The following FOCAD variants were observed in gnomAD, a reference collection of about 807,000 sequenced individuals.
FOCAD encodes the protein focadhesin.
Under a neutral mutation model 225.6 loss-of-function variants are expected in FOCAD, and 198 were observed. That is an observed-to-expected ratio of 0.88 (90% CI 0.78 to 0.99). The LOEUF is 0.99. FOCAD is among the 50% of genes least tolerant of loss of function. The pLI is 0.00. For missense variants in FOCAD, 2,713 were observed against 2,123.6 expected, an observed-to-expected ratio of 1.28 and a Z score of -5.46; for synonymous variants, 897 against 755.0, an observed-to-expected ratio of 1.19 and a Z score of -3.08.
chr9:20,795,720 C>G (rs911975105), intron 11 of FOCAD, among the ~76,000 whole-genome samples: 1 of 125,702 alleles, frequency 8.0e-6, no homozygotes, highest in Non-Finnish European at 1.6e-5. Flanking sequence ...GGAGGCAGAG[C>G]TTACAGTGAG....
At chr9:20,915,153 G>A (rs1225834728) in intron 23 of FOCAD, among the ~76,000 whole-genome samples, 28 of 152,148 alleles carry the variant, frequency 1.8e-4, no homozygotes, top group Admixed American at 1.8e-3. Flanking sequence ...ATAGCAAGCA[G>A]GTTGTTGACT....
chr9:20,753,675 A>C (rs1587023286), intron 5 of FOCAD, among the ~76,000 whole-genome samples: 1 of 152,166 alleles, frequency 6.6e-6, no homozygotes, highest in African/African-American at 2.4e-5. Context: ...CTGGCCTCAT[A>C]AAATGAGTTA....
chr9:20,791,523 A>C (rs891621122), intron 11 of FOCAD, among the ~76,000 whole-genome samples: 4 of 152,130 alleles, frequency 2.6e-5, no homozygotes, highest in Non-Finnish European at 5.9e-5. Flanking sequence ...TCTAGTTTTT[A>C]TTACCTCTAG....
chr9:20,886,748 C>A (rs1053257168), intron 21 of FOCAD, among the ~76,000 whole-genome samples: 1 of 152,208 alleles, frequency 6.6e-6, no homozygotes, highest in Non-Finnish European at 1.5e-5. Context: ...ATTCCATATT[C>A]TGCTCAGTAT....
chr9:20,819,767 A>G (rs1824118281), intron 11 of FOCAD, 29 bp from the exon 12 acceptor site: 1 of 1,269,658 alleles, frequency 7.9e-7, no homozygotes, highest in Admixed American at 2.4e-5. Context: ...AACAAGGCAT[A>G]TTTAATATAT....
At chr9:20,793,457 G>A (rs1197449271) in intron 11 of FOCAD, among the ~76,000 whole-genome samples, 1 of 152,120 alleles carries the variant, frequency 6.6e-6, no homozygotes, top group African/African-American at 2.4e-5. Context: ...TGGCATTCCT[G>A]GGCGTTAGTG....
intron 11 of FOCAD, among the ~76,000 whole-genome samples, chr9:20,807,190 C>T (rs1822549629): frequency 6.6e-6 from 1 of 152,258 alleles, no homozygotes; most frequent in Middle Eastern, 3.4e-3. Flanking sequence ...GTTCATTTCA[C>T]AATTACTTAT....
At chr9:20,943,248 T>C (rs1263457028) in intron 28 of FOCAD, among the ~76,000 whole-genome samples, 1 of 152,246 alleles carries the variant, frequency 6.6e-6, no homozygotes, top group East Asian at 1.9e-4. Flanking sequence ...TTTACGAAGC[T>C]GTAACAGCAG....
chr9:20,659,440 A>AGAAAGAAAGAAAGAAAGAAAGACAGAC (rs147459649), intron 2 of FOCAD, among the ~76,000 whole-genome samples: 1 of 145,070 alleles, frequency 6.9e-6, no homozygotes, highest in Non-Finnish European at 1.5e-5. Context: ...GAAAGAAAGA[A>AGAAAGAAAGAAAGAAAGAAAGACAGAC]AGACAGACAG....
chr9:20,871,213 AC>A (rs1171400951), intron 18 of FOCAD, among the ~76,000 whole-genome samples: 1 of 152,094 alleles, frequency 6.6e-6, no homozygotes, highest in East Asian at 1.9e-4. Flanking sequence ...CAAAAAAAAA[AC>A]AAAGTAAATT....
intron 18 of FOCAD, among the ~76,000 whole-genome samples, chr9:20,870,556 G>A (rs942616114): frequency 4.6e-5 from 7 of 152,142 alleles, no homozygotes; most frequent in Non-Finnish European, 1.0e-4. Flanking sequence ...ATGGTACTTC[G>A]AATTTTGAAT....
intron 10 of FOCAD, among the ~76,000 whole-genome samples, chr9:20,786,667 C>G (rs368325562): frequency 2.0e-5 from 3 of 152,110 alleles, no homozygotes; most frequent in East Asian, 1.9e-4. Context: ...TTCACAATTT[C>G]TTTTTCAGAC....
chr9:20,742,070 C>G (rs908314332), intron 5 of FOCAD, among the ~76,000 whole-genome samples: 3 of 152,166 alleles, frequency 2.0e-5, no homozygotes, highest in African/African-American at 4.8e-5. Flanking sequence ...TTTAGAACAT[C>G]TTCATCATCT....
intron 1 of FOCAD, among the ~76,000 whole-genome samples, chr9:20,699,773 AATATATATATATATATATATATATATAT>A (rs1277614689): frequency 2.6e-3 from 79 of 30,364 alleles, no homozygotes; most frequent in African/African-American, 7.3e-3. Flanking sequence ...AAAAAAAAAA[AATATATATATATATATATATATATATAT>A]ATATATATAT....
intron 11 of FOCAD, among the ~76,000 whole-genome samples, chr9:20,811,241 G>A (rs890311094): frequency 1.3e-5 from 2 of 152,110 alleles, no homozygotes; most frequent in Non-Finnish European, 2.9e-5. Flanking sequence ...GTGGGGCTAA[G>A]TGGCAAGTAC....
chr9:20,861,224 C>G (rs926455317), intron 15 of FOCAD, among the ~76,000 whole-genome samples: 2 of 152,004 alleles, frequency 1.3e-5, no homozygotes, highest in South Asian at 4.1e-4. Context: ...TCTTTTTCTT[C>G]CTTTACAATA....
chr9:20,867,062 C>A (rs751651352), intron 18 of FOCAD, 50 bp downstream of exon 18: 94 of 1,244,760 alleles, frequency 7.6e-5, no homozygotes, highest in Non-Finnish European at 1.3e-5. Flanking sequence ...CTAGGGTTTA[C>A]AACTTTTTCT....
chr9:20,693,355 C>G (rs1465228848), intron 1 of FOCAD, among the ~76,000 whole-genome samples: 1 of 152,142 alleles, frequency 6.6e-6, no homozygotes, highest in Non-Finnish European at 1.5e-5. Flanking sequence ...CCTGACCATC[C>G]TTTTAAAAAT....
At chr9:20,765,329 A>C (rs916827775) in intron 7 of FOCAD, among the ~76,000 whole-genome samples, 2 of 152,220 alleles carry the variant, frequency 1.3e-5, no homozygotes, top group Admixed American at 6.5e-5. Flanking sequence ...CAAGCATGAA[A>C]ACTTTCCTTT....
Sources: gnomAD v4.1 joint callset for allele counts (sites outside exome capture counted in the v4.1 genomes callset) on GRCh38, gnomAD v4.1.1 for gene constraint, MANE v1.5 for transcripts, NCBI Gene and HGNC (gene_info 2026-07-23, HGNC 2026-07-21) for gene names.